Variants in RBFOX1 observed in about 807,000 individuals in gnomAD.
RBFOX1 encodes RNA binding fox-1 homolog 1, also known as RNA binding protein fox-1 homolog 1.
In RBFOX1, 8 loss-of-function variants were observed where a neutral mutation model predicts 57.7. The observed-to-expected ratio is 0.14, with a 90% CI of 0.08 to 0.25. The LOEUF (loss-of-function observed/expected upper bound fraction) is 0.25, where lower values mean the gene tolerates loss of function less well. Ranked by LOEUF, RBFOX1 falls within the 10% of genes least tolerant of loss-of-function variation. The pLI is 1.00. For synonymous variants in RBFOX1, 326 were observed against 222.4 expected, an observed-to-expected ratio of 1.47 and a Z score of -4.15; for missense variants, 611 against 548.5, an observed-to-expected ratio of 1.11 and a Z score of -1.14.
intron 3 of RBFOX1, among the ~76,000 whole-genome samples, chr16:6,940,012 A>G (rs930846596): frequency 6.6e-5 from 10 of 152,168 alleles, no homozygotes; most frequent in African/African-American, 2.4e-4. Context: ...TTGAAAAGGC[A>G]CAGGTCAGCC....
Position 6,964,145 on chromosome 16 carries a change from G to T in RBFOX1, c.-15-87912G>T, listed in dbSNP as rs371835368. Among the ~76,000 whole-genome samples, 5 of 152,228 alleles carry T rather than the reference G, an allele frequency of 3.3e-5. No individual in the cohort carries two copies. In the East Asian group the frequency reaches 9.7e-4, roughly 29 times the overall value. On this transcript the variant is annotated intron_variant, in intron 3 of 15. Coordinates refer to ENST00000550418, the MANE Select transcript of RBFOX1 (RefSeq NM_018723.4). The stretch of plus-strand genomic sequence containing the variant: ...CGATTCTCCTGCCTCAGCCTCCCAA[G>T]TAGGTGAGATTACAGGCATGTGCCA...
intron 2 of RBFOX1, among the ~76,000 whole-genome samples, chr16:6,450,798 T>TATACAC (rs1555480574): frequency 9.5e-5 from 2 of 20,952 alleles, no homozygotes; most frequent in African/African-American, 7.7e-4. Context: ...TACATATATA[T>TATACAC]ATGTATATAT....
chr16:5,955,797 G>A (rs1329135255), intron 4 of RBFOX1, among the ~76,000 whole-genome samples: 1 of 152,144 alleles, frequency 6.6e-6, no homozygotes, highest in Non-Finnish European at 1.5e-5. Context: ...GTAGAAAAAT[G>A]AGCAAAGTCA....
rs780367539 is a variant in RBFOX1, at chr16:6,327,418, T to C, written c.-64+10361T>C. Among the ~76,000 whole-genome samples the C allele has an allele frequency of 2.0e-4, 31 of 152,288 alleles. 1 individual carries two copies. The highest frequency in any genetic ancestry group is 1.9e-4 in the Non-Finnish European group (13 of 68,028). On this transcript the variant is annotated intron_variant, in intron 2 of 15. Coordinates refer to ENST00000550418, the MANE Select transcript of RBFOX1 (RefSeq NM_018723.4). ...ATCTTTGGGATAAGTGCCTGAGAAGTATAAGTCAAAGGATAGAAGCATCTT... is the reference window on the plus strand; with the variant it reads ...ATCTTTGGGATAAGTGCCTGAGAAGCATAAGTCAAAGGATAGAAGCATCTT...
chr16:5,980,027 C>T (rs527719244), intron 4 of RBFOX1, among the ~76,000 whole-genome samples: 1 of 152,198 alleles, frequency 6.6e-6, no homozygotes, highest in Non-Finnish European at 1.5e-5. Flanking sequence ...GGAATTTGAT[C>T]CAAGGGTTCC....
At chr16:6,412,131 TAAAAAAAAAAAAACA>T (rs2093476905) in intron 2 of RBFOX1, among the ~76,000 whole-genome samples, 1 of 133,690 alleles carries the variant, frequency 7.5e-6, no homozygotes, top group Admixed American at 7.6e-5. Flanking sequence ...AGACTCCATG[TAAAAAAAAAAAAACA>T]AAAAAACAAA....
chr16:6,085,412 A>C (rs1280738368), intron 1 of RBFOX1, among the ~76,000 whole-genome samples: 1 of 152,176 alleles, frequency 6.6e-6, no homozygotes, highest in Non-Finnish European at 1.5e-5. Flanking sequence ...AGCTGGGAGT[A>C]CAGGTATGCG....
At chr16:6,128,975 A>G (rs7198193) in intron 1 of RBFOX1, among the ~76,000 whole-genome samples, 4,753 of 152,298 alleles carry the variant, frequency 0.031, 253 homozygotes, top group African/African-American at 0.11. Flanking sequence ...GACAAAGGAT[A>G]AAACCTAGCA....
chr16:7,372,839 C>G (rs772812396), intron 4 of RBFOX1, among the ~76,000 whole-genome samples: 2 of 151,674 alleles, frequency 1.3e-5, no homozygotes, highest in African/African-American at 2.4e-5. Context: ...AGAAGTTATA[C>G]TCAAATATAC....
chr16:6,937,973 A>T (rs1484080461), intron 3 of RBFOX1, among the ~76,000 whole-genome samples: 2 of 90,628 alleles, frequency 2.2e-5, no homozygotes, highest in Non-Finnish European at 3.9e-5. Flanking sequence ...AGGTCCATTT[A>T]GATGGGTGGG....
chr16:7,030,539 A>T (rs1342650717), intron 3 of RBFOX1, among the ~76,000 whole-genome samples: 1 of 151,878 alleles, frequency 6.6e-6, no homozygotes, highest in Admixed American at 6.6e-5. Context: ...ACATCACTCT[A>T]GTCTCTGCCT....
intron 3 of RBFOX1, among the ~76,000 whole-genome samples, chr16:6,850,375 A>T (rs11862713): frequency 1.3e-5 from 2 of 152,146 alleles, no homozygotes; most frequent in Non-Finnish European, 2.9e-5. Context: ...AGAGAACCCT[A>T]CTTAGGTAGG....
rs116255979 is a variant in RBFOX1, at chr16:7,463,024, C to A, written c.28-55123C>A. Among the ~76,000 whole-genome samples the A allele has an allele frequency of 9.9e-3, 1,513 of 152,208 alleles. 34 individuals are homozygous for A. Among genetic ancestry groups the A allele is most frequent in the African/African-American group, 0.035 (1,458 of 41,530 alleles). On this transcript the variant is annotated intron_variant, in intron 4 of 15. Transcript: ENST00000550418. ...CTGCTTGGGCTGCCATAACTAAATG[C>A]CAAAAACTGGTTGGCTTATCAACAA...
intron 3 of RBFOX1, among the ~76,000 whole-genome samples, chr16:6,670,690 T>A (rs2098758472): frequency 6.6e-6 from 1 of 152,176 alleles, no homozygotes; most frequent in African/African-American, 2.4e-5. Context: ...ATATTGGTGA[T>A]GTTGCTATAA....
At chr16:7,430,559 G>C (rs971768148) in intron 4 of RBFOX1, among the ~76,000 whole-genome samples, 2 of 151,984 alleles carry the variant, frequency 1.3e-5, no homozygotes, top group Non-Finnish European at 1.5e-5. Flanking sequence ...CTACTCGAGA[G>C]GCTGAGGCAG....
At chr16:5,470,275 G>T (rs979199268) in intron 2 of RBFOX1, among the ~76,000 whole-genome samples, 1 of 152,174 alleles carries the variant, frequency 6.6e-6, no homozygotes. Context: ...GGCAAAGAAG[G>T]GGGTAGGAGA....
At chr16:6,808,855 A>G (rs1418039197) in intron 3 of RBFOX1, among the ~76,000 whole-genome samples, 2 of 152,168 alleles carry the variant, frequency 1.3e-5, no homozygotes, top group African/African-American at 2.4e-5. Context: ...CCAAGGGAAT[A>G]CTTCCTGTAA....
intron 4 of RBFOX1, among the ~76,000 whole-genome samples, chr16:7,107,370 T>G (rs1220463223): frequency 2.0e-5 from 3 of 152,134 alleles, no homozygotes; most frequent in Non-Finnish European, 4.4e-5. Context: ...TAGCTCAAAC[T>G]GGAAGGGGGC....
At chr16:6,398,290 A>C (rs9931078) in intron 2 of RBFOX1, among the ~76,000 whole-genome samples, 2 of 151,878 alleles carry the variant, frequency 1.3e-5, no homozygotes, top group Admixed American at 6.6e-5. Flanking sequence ...TAGCCAAAGC[A>C]TATCATTCTG....
Sources: allele counts gnomAD v4.1 joint callset (sites outside exome capture counted in the v4.1 genomes callset), GRCh38; gene constraint gnomAD v4.1.1; transcripts MANE v1.5; gene names NCBI Gene and HGNC (gene_info 2026-07-23, HGNC 2026-07-21).